Variants in DDA1 observed in about 807,000 individuals in gnomAD.
DDA1 encodes the protein DET1- and DDB1-associated protein 1.
Under a neutral mutation model 18.6 loss-of-function variants are expected in DDA1, and 3 were observed. The observed-to-expected ratio is 0.16, with a 90% CI of 0.07 to 0.42. The LOEUF (loss-of-function observed/expected upper bound fraction) is 0.42, where lower values mean the gene tolerates loss of function less well. Among genes scored for constraint, DDA1 ranks in the 10% least tolerant of loss-of-function variants. The pLI is 0.99. For missense variants in DDA1, 105 were observed against 138.2 expected (o/e 0.76, Z 1.20); for synonymous variants, 52 against 54.0 (o/e 0.96, Z 0.17).
chr19:17,312,001 A>T (rs1005333684), intron 1 of DDA1, among the ~76,000 whole-genome samples: 2 of 152,162 alleles, frequency 1.3e-5, no homozygotes, highest in African/African-American at 2.4e-5. Context: ...CAACGCAGAC[A>T]TGTTGATCCT....
Position 17,321,829 on chromosome 19 carries a change from G to T in DDA1, c.*2173G>T, listed in dbSNP as rs900086365. On this transcript the variant is annotated 3_prime_UTR_variant, in exon 5 of 5. Coordinates refer to ENST00000359866, the MANE Select transcript of DDA1 (RefSeq NM_024050.6). ...CTGCTGTACCTCCCAGCTCCCGGCA[G>T]TGTCTACACCACAGTGATGGTGCTA... The T allele has an allele frequency of 6.6e-6, 1 of 152,538 alleles. No individual in the cohort carries two copies. The highest frequency in any genetic ancestry group is 1.5e-5 in the Non-Finnish European group (1 of 68,274). The allele number at this position is 152,538 out of a possible 1,614,324, so 9.4% of individuals were successfully genotyped here.
Position 17,321,026 on chromosome 19 carries a change from AG to A in DDA1, c.*1371del. On this transcript the variant is annotated 3_prime_UTR_variant, in exon 5 of 5. Coordinates refer to ENST00000359866, the MANE Select transcript of DDA1 (RefSeq NM_024050.6). ...GGTCTTGTACTCTTTCCCAGGCTGG[AG>A]TGCAGTGGCGTAATCACAGCTCACT... is the stretch of plus-strand genomic sequence containing the variant. The A allele has an allele frequency of 6.6e-6, 1 of 152,084 alleles. No homozygotes were observed. Among genetic ancestry groups the A allele is most frequent in the Admixed American group, 6.6e-5 (1 of 15,264 alleles). The allele number at this position is 152,084 out of a possible 1,614,324, so 9.4% of individuals were successfully genotyped here.
intron 4 of DDA1, among the ~76,000 whole-genome samples, chr19:17,316,459 A>T (rs2074213421): frequency 6.6e-6 from 1 of 152,016 alleles, no homozygotes; most frequent in Non-Finnish European, 1.5e-5. Context: ...ACGTGACTGT[A>T]ATCCCAGCTA....
chr19:17,318,615 C>T (rs34297641), intron 4 of DDA1, among the ~76,000 whole-genome samples: 10,854 of 152,128 alleles, frequency 0.071, 502 homozygotes, highest in East Asian at 0.15. Flanking sequence ...GATCCACCCA[C>T]CTCGGCCTCC....
rs1368574779 is a variant in DDA1, at chr19:17,315,151, G to A, written c.136+762G>A. Among the ~76,000 whole-genome samples the A allele has an allele frequency of 7.6e-5, 4 of 52,648 alleles. 1 individual carries two copies. Among genetic ancestry groups the A allele is most frequent in the Admixed American group, 4.0e-4 (3 of 7,548 alleles). The allele number at this position is 52,648 out of a possible 152,430, so 34.5% of individuals were successfully genotyped here. ...TATACACACATATATATACACACAC[G>A]TATATATACACACGTGTATATACAC... On this transcript the variant is annotated intron_variant, in intron 3 of 4. Coordinates refer to ENST00000359866, the MANE Select transcript of DDA1 (RefSeq NM_024050.6).
At position 17,315,781 on chromosome 19, in the gene DDA1, C is replaced by T. The variant is rs868326299; in HGVS notation, c.137-153C>T. 1.9e-4 allele frequency: 144 copies of T among 741,072 alleles called. 2 individuals are homozygous for T. The highest frequency in any genetic ancestry group is 1.6e-3 in the African/African-American group (92 of 57,352). The allele number at this position is 741,072 out of a possible 1,614,324, so 45.9% of individuals were successfully genotyped here. On this transcript the variant is annotated intron_variant, in intron 3 of 4. Coordinates refer to ENST00000359866, the MANE Select transcript of DDA1 (RefSeq NM_024050.6). The stretch of plus-strand genomic sequence containing the variant: ...TGGCTCAGGCCTCTGGGAGTAGCTG[C>T]GAGTGTGCTCAGAAGCAAAAACATG...
Position 17,314,366 on chromosome 19 carries a change from C to T in DDA1, c.113C>T (p.Thr38Ile). ...SNRRPSVYLPTREYPSEQIIV... is the reference protein window; with the variant it reads ...SNRRPSVYLPIREYPSEQIIV... ...CGACGGCCCTCAGTCTACCTGCCTA[C>T]CCGCGAGTACCCGTCTGAACAGAGT... Residue 38 changes from threonine (T) to isoleucine (I), a missense_variant, in exon 3 of 5, where the codon ACC becomes ATC. This residue lies in a region of DDA1 where 43 missense variants were observed against 82.3 expected (regional missense o/e 0.52). Transcript: ENST00000359866. This position sits in a 1 kb window ranked among gnomAD's most constrained non-coding sequence, Gnocchi z 4.6. The T allele has an allele frequency of 6.2e-7, 1 of 1,614,248 alleles. No individual in the cohort carries two copies. The highest frequency in any genetic ancestry group is 1.1e-5 in the South Asian group (1 of 91,084).
intron 1 of DDA1, among the ~76,000 whole-genome samples, chr19:17,311,898 C>G (rs1297316270): frequency 6.6e-6 from 1 of 152,126 alleles, no homozygotes; most frequent in East Asian, 1.9e-4. Context: ...TGGAATGAGG[C>G]CTCCCCCACC....
intron 1 of DDA1, among the ~76,000 whole-genome samples, chr19:17,312,382 G>GTTT (rs2074183317): frequency 6.6e-6 from 1 of 152,154 alleles, no homozygotes; most frequent in Non-Finnish European, 1.5e-5. Context: ...AGTGTCGGGG[G>GTTT]AACAAAGGGG....
At chr19:17,319,219 G>T (rs2074227945) in intron 4 of DDA1, among the ~76,000 whole-genome samples, 2 of 152,158 alleles carry the variant, frequency 1.3e-5, no homozygotes, top group Admixed American at 1.3e-4. Flanking sequence ...GGCTTAGTGG[G>T]GCAGGTCCTG....
At chr19:17,315,221 ACG>A (rs1279797395) in intron 3 of DDA1, among the ~76,000 whole-genome samples, 8 of 21,424 alleles carry the variant, frequency 3.7e-4, no homozygotes, top group Non-Finnish European at 8.7e-4. Context: ...ATATACACAC[ACG>A]TGTATACACA....
intron 4 of DDA1, among the ~76,000 whole-genome samples, chr19:17,318,659 G>T (rs972969524): frequency 6.6e-6 from 1 of 151,780 alleles, no homozygotes; most frequent in Admixed American, 6.6e-5. Flanking sequence ...GAGCCACCGC[G>T]CCTGGCCTTC....
At chr19:17,318,581 A>T (rs1197523573) in intron 4 of DDA1, among the ~76,000 whole-genome samples, 4 of 149,816 alleles carry the variant, frequency 2.7e-5, no homozygotes, top group Admixed American at 2.7e-4. Flanking sequence ...TGGCCAGGCT[A>T]GTCTCGAACT....
At chr19:17,311,681 C>G (rs575805450) in intron 1 of DDA1, among the ~76,000 whole-genome samples, 5 of 152,338 alleles carry the variant, frequency 3.3e-5, no homozygotes, top group South Asian at 2.1e-4. Context: ...ACCTGCTGCT[C>G]TTTCTGCTCG....
intron 4 of DDA1, among the ~76,000 whole-genome samples, chr19:17,316,603 G>A (rs1438727702): frequency 1.3e-5 from 2 of 151,770 alleles, no homozygotes; most frequent in Non-Finnish European, 2.9e-5. Context: ...GGCCGGGTGA[G>A]GTGGCTCACG....
In DDA1 at chr19:17,321,342, G is replaced by C. The variant is rs1170377329; in HGVS notation, c.*1686G>C. On this transcript the variant is annotated 3_prime_UTR_variant, in exon 5 of 5. Transcript: ENST00000359866. The stretch of plus-strand genomic sequence containing the variant: ...AGACGGCGTTTTGTCATGTTGGCCA[G>C]GCTGGTCTCGAACTCCTGACCTCAG... 1 of 152,192 alleles carries C rather than the reference G, an allele frequency of 6.6e-6. No homozygotes were observed. Among genetic ancestry groups the C allele is most frequent in the African/African-American group, 2.4e-5 (1 of 41,404 alleles). The allele number at this position is 152,192 out of a possible 1,614,324, so 9.4% of individuals were successfully genotyped here.
In DDA1 at chr19:17,314,635, C is replaced by T. The variant is rs991438913; in HGVS notation, c.136+246C>T. 1 of 548,586 alleles carries T rather than the reference C, an allele frequency of 1.8e-6. No individual in the cohort carries two copies. The highest frequency in any genetic ancestry group is 2.1e-5 in the South Asian group (1 of 48,008). 34.0% of individuals were successfully genotyped at this position (548,586 alleles called of 1,614,324 possible). On this transcript the variant is annotated intron_variant, in intron 3 of 4. Transcript: ENST00000359866. This position sits in a 1 kb window ranked among gnomAD's most constrained non-coding sequence, Gnocchi z 4.6. ...CCTGTCCACTCCCAGCCCCTGGGGA[C>T]AGCCAGAAACCTGGCTTTCCCCAGG...
At position 17,314,211 on chromosome 19, in the gene DDA1, A is replaced by C; in HGVS notation, c.84+108A>C. 1.3e-6 allele frequency: 2 copies of C among 1,558,270 alleles called. No individual in the cohort carries two copies. The highest frequency in any genetic ancestry group is 1.8e-6 in the Non-Finnish European group (2 of 1,131,944). ...TGGCTGGAACAGAGGCTGATCTTCA[A>C]GCCCAGCCCCATCCACATACTTGAG... is the stretch of plus-strand genomic sequence containing the variant. On this transcript the variant is annotated intron_variant, in intron 2 of 4. Transcript: ENST00000359866. This position sits in a 1 kb window ranked among gnomAD's most constrained non-coding sequence, Gnocchi z 4.6.
Position 17,319,752 on chromosome 19 carries a change from T to G in DDA1, c.*96T>G, listed in dbSNP as rs2074231094. The G allele has an allele frequency of 1.9e-6, 2 of 1,032,916 alleles. No individual in the cohort carries two copies. Among genetic ancestry groups the G allele is most frequent in the African/African-American group, 3.6e-5 (2 of 56,058 alleles). The allele number at this position is 1,032,916 out of a possible 1,614,324, so 64.0% of individuals were successfully genotyped here. Reference sequence around the variant, plus strand: ...TAAGCACCCCGCCCGCCCGCCTCCCTGCCGGCCCATCCACACCCTGCGTCC... The same window carrying G: ...TAAGCACCCCGCCCGCCCGCCTCCCGGCCGGCCCATCCACACCCTGCGTCC... On this transcript the variant is annotated 3_prime_UTR_variant, in exon 5 of 5. Coordinates refer to ENST00000359866, the MANE Select transcript of DDA1 (RefSeq NM_024050.6).
Sources: gnomAD v4.1 joint callset for allele counts (sites outside exome capture counted in the v4.1 genomes callset) on GRCh38, gnomAD v4.1.1 for gene constraint, gnomAD v4.1.1 regional missense constraint, Gnocchi (gnomAD v3.1) non-coding constraint, MANE v1.5 for transcripts, NCBI Gene and HGNC (gene_info 2026-07-23, HGNC 2026-07-21) for gene names.